C4orf50: variants seen among roughly 807,000 people sequenced by gnomAD.
C4orf50 encodes the protein uncharacterized protein C4orf50.
In C4orf50, 80 loss-of-function variants were observed where a neutral mutation model predicts 77.2. The observed-to-expected ratio is 1.04, with a 90% CI of 0.87 to 1.25. C4orf50 has a LOEUF of 1.25. Among genes scored for constraint, C4orf50 ranks in the 50% most tolerant of loss-of-function variants. The pLI, the probability that C4orf50 is intolerant of heterozygous loss-of-function variation, is 0.00. For missense variants in C4orf50, 1,257 were observed against 1,152.9 expected, an observed-to-expected ratio of 1.09 and a Z score of -1.31; for synonymous variants, 532 against 465.3, an observed-to-expected ratio of 1.14 and a Z score of -1.84.
At chr4:5,911,736 A>G (rs960551655) in intron 7 of C4orf50, among the ~76,000 whole-genome samples, 1 of 152,122 alleles carries the variant, frequency 6.6e-6, no homozygotes, top group Admixed American at 6.6e-5. Context: ...TCTCAAAACA[A>G]AAACAAAAAC....
chr4:6,017,821 C>A lies in C4orf50; in HGVS notation c.287+324G>T, dbSNP rs915862591. Among the ~76,000 whole-genome samples the A allele has an allele frequency of 6.6e-6, 1 of 152,186 alleles. No individual in the cohort carries two copies. The highest frequency in any genetic ancestry group is 6.5e-5 in the Admixed American group (1 of 15,280). On this transcript the variant is annotated intron_variant, in intron 23 of 33. Transcript: ENST00000531445. This position sits in a 1 kb window ranked among gnomAD's most constrained non-coding sequence, Gnocchi z 4.7. Reference sequence around the variant, plus strand: ...CTTCCCTGTCACTTTGAACATAGGGCCCTTTCATGGAACAGTCACCCAGAG... The same window carrying A: ...CTTCCCTGTCACTTTGAACATAGGGACCTTTCATGGAACAGTCACCCAGAG...
chr4:5,950,825 A>C lies in C4orf50; in HGVS notation c.*2474+6076T>G, dbSNP rs566737481. 3.3e-5 allele frequency among the ~76,000 whole-genome samples: 5 copies of C among 152,370 alleles called. No homozygotes were observed. The South Asian group carries it at 1.0e-3, about 32-fold the overall frequency. On this transcript the variant is annotated intron_variant, in intron 7 of 7. Coordinates refer to the C4orf50 transcript ENST00000324058. ...CATAGCTGAATCCCATACACCAGGA[A>C]GCATGACTGCACATAGGAGACGATC...
intron 7 of C4orf50, among the ~76,000 whole-genome samples, chr4:5,926,601 C>T (rs1472744700): frequency 6.6e-6 from 1 of 152,072 alleles, no homozygotes; most frequent in African/African-American, 2.4e-5. Flanking sequence ...GTGAATTTTA[C>T]ATCATGTGAA....
At position 6,007,712 on chromosome 4, in the gene C4orf50, A is replaced by G. The variant is rs1377660115; in HGVS notation, c.963+284T>C. Among the ~76,000 whole-genome samples, 1 of 151,200 alleles carries G rather than the reference A, an allele frequency of 6.6e-6. No homozygotes were observed. The highest frequency in any genetic ancestry group is 2.0e-4 in the East Asian group (1 of 5,116). On this transcript the variant is annotated intron_variant, in intron 25 of 33. Transcript: ENST00000531445. The surrounding 1 kb of genome is among the most constrained non-coding windows in gnomAD (Gnocchi z 4.1). The stretch of plus-strand genomic sequence containing the variant: ...GGCGAGTGGTTGGATAGGTAGATGG[A>G]TGGATGATGGGCAAGTGTGTGCATC...
chr4:5,937,133 T>G (rs956943405), intron 7 of C4orf50, among the ~76,000 whole-genome samples: 5 of 150,540 alleles, frequency 3.3e-5, no homozygotes, highest in Non-Finnish European at 3.0e-5. Context: ...AGAACTAAAC[T>G]AAACTCAAAA....
chr4:5,944,939 T>C (rs1468555829), intron 7 of C4orf50, among the ~76,000 whole-genome samples: 1 of 152,180 alleles, frequency 6.6e-6, no homozygotes, highest in Non-Finnish European at 1.5e-5. Flanking sequence ...CCAAAGTCTA[T>C]TCCACACGGA....
intron 28 of C4orf50, among the ~76,000 whole-genome samples, chr4:5,987,588 G>A (rs2108787911): frequency 6.6e-6 from 1 of 151,502 alleles, no homozygotes; most frequent in South Asian, 2.1e-4. Flanking sequence ...GAGAGACAAA[G>A]AGAGAAAGAG....
chr4:6,014,007 T>G lies in C4orf50; in HGVS notation c.288-2039A>C, dbSNP rs1030027318. ...TTTACTGTGTTTTTAAGTTGTGTGT[T>G]TTTTTTTTTTTTGAGATGGAGTTTT... On this transcript the variant is annotated intron_variant, in intron 23 of 33. Transcript: ENST00000531445. Among the ~76,000 whole-genome samples, 71 of 150,556 alleles carry G rather than the reference T, an allele frequency of 4.7e-4. 1 individual carries two copies. The highest frequency in any genetic ancestry group is 8.7e-4 in the African/African-American group (36 of 41,194).
At chr4:5,918,546 C>T (rs982517788) in intron 7 of C4orf50, among the ~76,000 whole-genome samples, 1 of 152,160 alleles carries the variant, frequency 6.6e-6, no homozygotes, top group Non-Finnish European at 1.5e-5. Flanking sequence ...GTGGCTGCAG[C>T]CCAGAGAGGA....
Position 5,916,445 on chromosome 4 carries a change from G to A in C4orf50, c.*2475-18257C>T, listed in dbSNP as rs1717032084. Among the ~76,000 whole-genome samples, 1 of 152,146 alleles carries A rather than the reference G, an allele frequency of 6.6e-6. No individual in the cohort carries two copies. The highest frequency in any genetic ancestry group is 6.5e-5 in the Admixed American group (1 of 15,284). On this transcript the variant is annotated intron_variant, in intron 7 of 7. Coordinates refer to the C4orf50 transcript ENST00000324058. The surrounding 1 kb of genome is among the most constrained non-coding windows in gnomAD (Gnocchi z 4.4). ...CCCCAGAGCTCAGACCCCAGGCACT[G>A]GGTTGTTTTCCCTCACATCGCAGCC...
downstream of C4orf50, among the ~76,000 whole-genome samples, chr4:5,954,354 C>T (rs545330300): frequency 1.8e-4 from 27 of 152,118 alleles, no homozygotes; most frequent in Non-Finnish European, 3.5e-4. This position sits in a 1 kb window ranked among gnomAD's most constrained non-coding sequence, Gnocchi z 4.7. Context: ...CCAGCTCCCC[C>T]GACCCCTGCC....
rs1036805454 is a variant in C4orf50, at chr4:5,992,794, T to C, written c.1221+9A>G. 1 of 399,018 alleles carries C rather than the reference T, an allele frequency of 2.5e-6. No individual in the cohort carries two copies. The highest frequency in any genetic ancestry group is 4.4e-6 in the Non-Finnish European group (1 of 226,140). 24.7% of individuals were successfully genotyped at this position (399,018 alleles called of 1,614,324 possible). On this transcript the variant is annotated intron_variant, in intron 27 of 33. Transcript: ENST00000531445. This position sits in a 1 kb window ranked among gnomAD's most constrained non-coding sequence, Gnocchi z 5.0. ...ACTGCACACACACGCAGAAAGCCTC[T>C]GGCCTCACCTGTTCACGGTTGGATC...
At chr4:5,907,515 T>G (rs533285337) in intron 7 of C4orf50, among the ~76,000 whole-genome samples, 16 of 152,288 alleles carry the variant, frequency 1.1e-4, no homozygotes, top group Admixed American at 3.3e-4. Flanking sequence ...TGCATATATG[T>G]TCTGTAAATG....
At chr4:5,983,595 AGTAATGCTTTGCAGGCATTG>A (rs1264349837) in intron 28 of C4orf50, among the ~76,000 whole-genome samples, 1 of 152,226 alleles carries the variant, frequency 6.6e-6, no homozygotes. Flanking sequence ...AATATATACA[AGTAATGCTTTGCAGGCATTG>A]GAAGATGACT....
At chr4:5,984,154 G>T (rs1224977305) in intron 28 of C4orf50, among the ~76,000 whole-genome samples, 1 of 152,180 alleles carries the variant, frequency 6.6e-6, no homozygotes, top group Non-Finnish European at 1.5e-5. Flanking sequence ...ACTTAAATAG[G>T]CCTACACAAG....
At chr4:5,940,157 G>A (rs547095135) in intron 7 of C4orf50, among the ~76,000 whole-genome samples, 30 of 152,192 alleles carry the variant, frequency 2.0e-4, no homozygotes, top group African/African-American at 7.0e-4. Context: ...TCCCTCACTG[G>A]AAGTGTCTGT....
chr4:5,982,925 T>C (rs1720672408), intron 28 of C4orf50, among the ~76,000 whole-genome samples: 1 of 152,178 alleles, frequency 6.6e-6, no homozygotes, highest in East Asian at 1.9e-4. Context: ...GCTGGGGGTA[T>C]AAGCAGCAAC....
At chr4:6,004,106 G>A (rs1722047853) in intron 25 of C4orf50, among the ~76,000 whole-genome samples, 1 of 132,096 alleles carries the variant, frequency 7.6e-6, no homozygotes, top group East Asian at 2.7e-4. Context: ...TGATGATGGT[G>A]ATGGTGATGA....
chr4:5,974,449 G>T (rs539256543), intron 30 of C4orf50, among the ~76,000 whole-genome samples: 1 of 116,558 alleles, frequency 8.6e-6, no homozygotes, highest in South Asian at 3.6e-4. Context: ...TTTTACGGGC[G>T]CCAACTCGAG....
Sources: gnomAD v4.1 joint callset for allele counts (sites outside exome capture counted in the v4.1 genomes callset) on GRCh38, gnomAD v4.1.1 for gene constraint, Gnocchi (gnomAD v3.1) non-coding constraint, MANE v1.5 for transcripts, NCBI Gene and HGNC (gene_info 2026-07-23, HGNC 2026-07-21) for gene names.